UBAP2: variants seen among roughly 807,000 people sequenced by gnomAD.
UBAP2 encodes ubiquitin-associated protein 2.
Under a neutral mutation model 139.6 loss-of-function variants are expected in UBAP2, and 75 were observed. The observed-to-expected ratio is 0.54, with a 90% CI of 0.45 to 0.65. The LOEUF is 0.65. Ranked by LOEUF, UBAP2 falls within the 30% of genes least tolerant of loss-of-function variation. The pLI is 0.00. For missense variants in UBAP2, 1,368 were observed against 1,369.6 expected (o/e 1.00, Z 0.02); for synonymous variants, 526 against 526.2 (o/e 1.00, Z 0.01).
chr9:33,935,734 G>A (rs753447764), intron 17 of UBAP2, 105 bp downstream of exon 17: 15 of 1,340,940 alleles, frequency 1.1e-5, no homozygotes, highest in African/African-American at 4.3e-5. Flanking sequence ...GCTTTTTAAC[G>A]AATAAGCCAT....
At chr9:34,035,533 T>C (rs1307877744) in intron 1 of UBAP2, among the ~76,000 whole-genome samples, 2 of 50,734 alleles carry the variant, frequency 3.9e-5, no homozygotes, top group African/African-American at 1.1e-4. Flanking sequence ...ATATAAAGAT[T>C]AGCCAGGTTT....
intron 1 of UBAP2, among the ~76,000 whole-genome samples, chr9:34,042,112 G>C (rs80206293): frequency 1.4e-4 from 22 of 152,206 alleles, no homozygotes; most frequent in African/African-American, 5.1e-4. Flanking sequence ...CTTACATTGA[G>C]AATAAGACTG....
intron 12 of UBAP2, among the ~76,000 whole-genome samples, chr9:33,950,589 C>G (rs1826016920): frequency 6.6e-6 from 1 of 152,156 alleles, no homozygotes; most frequent in Non-Finnish European, 1.5e-5. Context: ...CTTATCACTG[C>G]TCCAGATTCT....
Position 33,935,820 on chromosome 9 carries a change from A to G in UBAP2, c.1969+19T>C, listed in dbSNP as rs757869943. The G allele has an allele frequency of 6.2e-7, 1 of 1,614,006 alleles. No homozygotes were observed. The highest frequency in any genetic ancestry group is 1.3e-5 in the African/African-American group (1 of 74,936). ...GGTTGGCACCAGCCATGACAAGAGTAGCTTGCTGCTATACTTACTGTCTAG... is the reference window on the plus strand; with the variant it reads ...GGTTGGCACCAGCCATGACAAGAGTGGCTTGCTGCTATACTTACTGTCTAG... On this transcript the variant is annotated intron_variant, in intron 17 of 28. Coordinates refer to ENST00000379238, the MANE Select transcript of UBAP2 (RefSeq NM_001370062.2).
chr9:33,990,670 C>CT (rs1427437524), intron 4 of UBAP2, among the ~76,000 whole-genome samples: 2 of 142,286 alleles, frequency 1.4e-5, no homozygotes, highest in Admixed American at 1.5e-4. Flanking sequence ...GAGTCTCACT[C>CT]TGTCACCCAG....
At chr9:34,047,257 G>A (rs932731079) in intron 1 of UBAP2, among the ~76,000 whole-genome samples, 3 of 152,176 alleles carry the variant, frequency 2.0e-5, no homozygotes, top group African/African-American at 7.2e-5. Flanking sequence ...GGAAAATCAG[G>A]AGTATGCTGG....
intron 4 of UBAP2, among the ~76,000 whole-genome samples, chr9:33,990,136 C>G (rs907612426): frequency 6.6e-6 from 1 of 151,900 alleles, no homozygotes; most frequent in Non-Finnish European, 1.5e-5. Flanking sequence ...AATTATCAAG[C>G]AGGGTAGTTA....
chr9:34,037,156 T>C (rs552030938), intron 1 of UBAP2, among the ~76,000 whole-genome samples: 6 of 152,082 alleles, frequency 3.9e-5, no homozygotes, highest in Admixed American at 1.3e-4. Flanking sequence ...GCCTGGCTAA[T>C]TTTTTGTATT....
chr9:33,956,382 G>A (rs1419759400), intron 10 of UBAP2, among the ~76,000 whole-genome samples: 1 of 149,800 alleles, frequency 6.7e-6, no homozygotes, highest in Non-Finnish European at 1.5e-5. Context: ...GCAGTGACGT[G>A]ATCTCGGCTC....
At position 33,923,359 on chromosome 9, in the gene UBAP2, G is replaced by A. The variant is rs778645401; in HGVS notation, c.2896+20C>T. Reference sequence around the variant, plus strand: ...AGCCTGTCTAACCCCATGTGTCTCTGTCTGGGAAGTACCCCTCACCTGTAC... The same window carrying A: ...AGCCTGTCTAACCCCATGTGTCTCTATCTGGGAAGTACCCCTCACCTGTAC... On this transcript the variant is annotated intron_variant, in intron 25 of 28. Coordinates refer to ENST00000379238, the MANE Select transcript of UBAP2 (RefSeq NM_001370062.2). The A allele has an allele frequency of 3.1e-6, 5 of 1,613,950 alleles. No homozygotes were observed. The South Asian group carries it at 5.5e-5, about 18-fold the overall frequency.
chr9:34,011,737 T>G, intron 2 of UBAP2: 2 of 770,410 alleles, frequency 2.6e-6, no homozygotes, highest in Non-Finnish European at 3.2e-6. Flanking sequence ...CACCCTCCCC[T>G]GCAATAAACA....
At chr9:33,986,709 T>TG in intron 6 of UBAP2, 51 bp downstream of exon 6, 1 of 1,505,214 alleles carries the variant, frequency 6.6e-7, no homozygotes, top group Non-Finnish European at 9.2e-7. Context: ...CGCAACTGCC[T>TG]GCTTCTTCCC....
In UBAP2 at chr9:33,937,997, GT is replaced by G. The variant is rs958459265; in HGVS notation, c.1930-2120del. 3.9e-5 allele frequency among the ~76,000 whole-genome samples: 6 copies of G among 152,032 alleles called. No individual in the cohort carries two copies. In the East Asian group the frequency reaches 9.7e-4, roughly 24 times the overall value. On this transcript the variant is annotated intron_variant, in intron 16 of 28. Transcript: ENST00000379238. ...ATAGTTGTTTTGGGGGGTTTCTTTT[GT>G]TTTTTTGTTTTTGTTTTGAGACAGT...
At chr9:33,942,086 G>A (rs983495871) in intron 15 of UBAP2, among the ~76,000 whole-genome samples, 62 of 152,114 alleles carry the variant, frequency 4.1e-4, no homozygotes, top group African/African-American at 1.5e-3. Flanking sequence ...GGCAGAGGTG[G>A]GCGGATCCGG....
chr9:33,933,643 G>A lies in UBAP2; in HGVS notation c.1970-15C>T. ...TGTCTTTGGAGCTGGAACAGATGAA[G>A]TAGCTGTAAGAAGCAGATCTGTTTA... On this transcript the variant is annotated splice_polypyrimidine_tract_variant and intron_variant, in intron 17 of 28. Transcript: ENST00000379238. The A allele has an allele frequency of 6.2e-7, 1 of 1,613,236 alleles. No homozygotes were observed. Among genetic ancestry groups the A allele is most frequent in the Non-Finnish European group, 8.5e-7 (1 of 1,179,754 alleles).
Position 34,048,817 on chromosome 9 carries a change from G to A in UBAP2, c.-42+8C>T. ...AAGAGGGAAGGAGAGGGAGAGGATG[G>A]CAATTACCGCTGCTGCTCTCGGAGG... On this transcript the variant is annotated splice_region_variant and intron_variant, in intron 1 of 28. Coordinates refer to ENST00000379238, the MANE Select transcript of UBAP2 (RefSeq NM_001370062.2). 1 of 152,740 alleles carries A rather than the reference G, an allele frequency of 6.5e-6. No homozygotes were observed. The highest frequency in any genetic ancestry group is 1.5e-5 in the Non-Finnish European group (1 of 68,430). The allele number at this position is 152,740 out of a possible 1,614,324, so 9.5% of individuals were successfully genotyped here.
In UBAP2 at chr9:33,922,438, T is replaced by C. The variant is rs899725416; in HGVS notation, c.*66A>G. 2.7e-6 allele frequency: 4 copies of C among 1,508,324 alleles called. No individual in the cohort carries two copies. The African/African-American group carries it at 5.5e-5, about 21-fold the overall frequency. The allele number at this position is 1,508,324 out of a possible 1,614,324, so 93.4% of individuals were successfully genotyped here. ...TAGGAAAGGGCACTGGGCTCCCAAA[T>C]ACGTGCTCGTGTGTTCTCTCCTGCC... is the stretch of plus-strand genomic sequence containing the variant. On this transcript the variant is annotated 3_prime_UTR_variant, in exon 29 of 29. Coordinates refer to ENST00000379238, the MANE Select transcript of UBAP2 (RefSeq NM_001370062.2).
At chr9:33,998,282 T>C (rs923090691) in intron 3 of UBAP2, 2 of 152,716 alleles carry the variant, frequency 1.3e-5, no homozygotes, top group African/African-American at 4.8e-5. Context: ...TCTGTCGTCA[T>C]AGCTACTCAG....
intron 1 of UBAP2, among the ~76,000 whole-genome samples, chr9:34,037,592 T>C (rs1412290755): frequency 6.6e-6 from 1 of 152,250 alleles, no homozygotes; most frequent in Admixed American, 6.5e-5. Flanking sequence ...CATTTTATCC[T>C]ACAATAAATT....
Sources: gnomAD v4.1 joint callset for allele counts (sites outside exome capture counted in the v4.1 genomes callset) on GRCh38, gnomAD v4.1.1 for gene constraint, MANE v1.5 for transcripts, NCBI Gene and HGNC (gene_info 2026-07-23, HGNC 2026-07-21) for gene names.